Variants in WAPL observed in about 807,000 individuals in gnomAD.
WAPL encodes the protein WAPL cohesin release factor.
In WAPL, 5 loss-of-function variants were observed where a neutral mutation model predicts 121.0. The ratio of observed to expected loss-of-function variants is 0.04; its 90% CI spans 0.02 to 0.09. The LOEUF is 0.09. WAPL is among the 10% of genes least tolerant of loss of function. WAPL has a pLI of 1.00. For missense variants in WAPL, 999 were observed against 1,410.8 expected (o/e 0.71, Z 4.68); for synonymous variants, 480 against 481.5 (o/e 1.00, Z 0.04).
At chr10:86,490,767 A>G (rs1842029764) in intron 4 of WAPL, among the ~76,000 whole-genome samples, 1 of 152,150 alleles carries the variant, frequency 6.6e-6, no homozygotes, top group Non-Finnish European at 1.5e-5. Flanking sequence ...CAATTCTGTG[A>G]TGTTAAATTT....
At chr10:86,470,244 G>A (rs1841506806) in intron 8 of WAPL, among the ~76,000 whole-genome samples, 1 of 151,990 alleles carries the variant, frequency 6.6e-6, no homozygotes, top group Non-Finnish European at 1.5e-5. Flanking sequence ...ATGTTGGCCA[G>A]GCTGATCTCA....
intron 16 of WAPL, among the ~76,000 whole-genome samples, chr10:86,445,099 G>T (rs890016722): frequency 6.6e-6 from 1 of 152,068 alleles, no homozygotes; most frequent in South Asian, 2.1e-4. Context: ...CATCCAAGGG[G>T]TATTGGTTCC....
In WAPL at chr10:86,455,683, T is replaced by TAA. The variant is rs539594893; in HGVS notation, c.2658-1854_2658-1853dup. Among the ~76,000 whole-genome samples, 15 of 29,108 alleles carry TAA rather than the reference T, an allele frequency of 5.2e-4. 1 individual carries two copies. The highest frequency in any genetic ancestry group is 3.6e-3 in the South Asian group (4 of 1,106). 19.1% of individuals were successfully genotyped at this position (29,108 alleles called of 152,430 possible). On this transcript the variant is annotated intron_variant, in intron 12 of 18. Transcript: ENST00000298767. Reference sequence around the variant, plus strand: ...ACACCCAAGAATGATCAATAAATACTAAAAAAAAAAAAAGAAAGAAAGAAA... The same window carrying TAA: ...ACACCCAAGAATGATCAATAAATACTAAAAAAAAAAAAAAAGAAAGAAAGAAA...
At chr10:86,510,857 G>A (rs1291749879) in intron 2 of WAPL, among the ~76,000 whole-genome samples, 1 of 151,964 alleles carries the variant, frequency 6.6e-6, no homozygotes, top group South Asian at 2.1e-4. Flanking sequence ...TTGTTTTTGA[G>A]ATGGTATCTT....
chr10:86,454,602 G>A lies in WAPL; in HGVS notation c.2658-771C>T, dbSNP rs560057078. Among the ~76,000 whole-genome samples the A allele has an allele frequency of 3.6e-4, 55 of 152,332 alleles. No homozygotes were observed. The East Asian group carries it at 9.3e-3, about 26-fold the overall frequency. On this transcript the variant is annotated intron_variant, in intron 12 of 18. Coordinates refer to ENST00000298767, the MANE Select transcript of WAPL (RefSeq NM_015045.5). ...TCGCTACAACCTCCACCTCCCAGCCGCCTGCCTTGGCCTCCCAAAGTGCGG... is the reference window on the plus strand; with the variant it reads ...TCGCTACAACCTCCACCTCCCAGCCACCTGCCTTGGCCTCCCAAAGTGCGG...
At chr10:86,491,182 C>T (rs1161637336) in intron 4 of WAPL, among the ~76,000 whole-genome samples, 2 of 135,190 alleles carry the variant, frequency 1.5e-5, no homozygotes, top group Non-Finnish European at 3.1e-5. Flanking sequence ...CTCTGTTGCC[C>T]AGGCTGGAGT....
At chr10:86,479,594 C>T (rs11595882) in intron 4 of WAPL, among the ~76,000 whole-genome samples, 4,304 of 152,258 alleles carry the variant, frequency 0.028, 125 homozygotes, top group South Asian at 0.12. Flanking sequence ...ACTTTATGAA[C>T]AAGAAGAGCA....
chr10:86,504,038 G>A (rs1260992510), intron 2 of WAPL, among the ~76,000 whole-genome samples: 1 of 151,650 alleles, frequency 6.6e-6, no homozygotes, highest in Non-Finnish European at 1.5e-5. Flanking sequence ...GCCAGGCGTG[G>A]TGGCACATGC....
Position 86,452,070 on chromosome 10 carries a change from T to C in WAPL, c.3011A>G (p.Asn1004Ser). 6.2e-7 allele frequency: 1 copy of C among 1,614,190 alleles called. No homozygotes were observed. The highest frequency in any genetic ancestry group is 8.5e-7 in the Non-Finnish European group (1 of 1,180,026). The change falls in exon 15 of 19, where the codon AAC becomes AGC. Residue 1004 changes from asparagine to serine, a missense_variant. Physicochemically the swap from Asn to Ser is conservative, Grantham distance 46 (BLOSUM62 1). This residue lies in a region of WAPL where 126 missense variants were observed against 144.0 expected (regional missense o/e 0.87). Transcript: ENST00000298767. Reference sequence around the variant, plus strand: ...ATCAAAAGAGCACGATGTTTCCATGTTGACAAGACAGTGCCGATTCCGAGC... The same window carrying C: ...ATCAAAAGAGCACGATGTTTCCATGCTGACAAGACAGTGCCGATTCCGAGC... ...YSARNRHCLV[N>S]METSCSFDSS... is the part of the protein sequence containing the mutation.
intron 4 of WAPL, among the ~76,000 whole-genome samples, chr10:86,478,508 A>T (rs1256601842): frequency 6.6e-6 from 1 of 152,228 alleles, no homozygotes; most frequent in African/African-American, 2.4e-5. Context: ...CAAAAAGTTC[A>T]TAATAATAAT....
At chr10:86,485,020 C>T (rs141776186) in intron 4 of WAPL, among the ~76,000 whole-genome samples, 17 of 152,098 alleles carry the variant, frequency 1.1e-4, no homozygotes, top group Middle Eastern at 3.4e-3. Flanking sequence ...CACGCATGTG[C>T]GTGTGCTCAC....
chr10:86,479,757 A>G (rs780930702), intron 4 of WAPL, among the ~76,000 whole-genome samples: 5 of 152,232 alleles, frequency 3.3e-5, no homozygotes, highest in African/African-American at 4.8e-5. Context: ...GAAGTACTGC[A>G]ATGCATAACT....
chr10:86,517,421 TTCTTAAATG>T (rs1231837342), intron 2 of WAPL, 141 bp downstream of exon 2: 6 of 1,204,420 alleles, frequency 5.0e-6, no homozygotes, highest in Non-Finnish European at 6.6e-6. Flanking sequence ...TTCTTTAAAG[TTCTTAAATG>T]TCTTTTACAA....
At chr10:86,437,833 C>A (rs960451638) in intron 18 of WAPL, 87 bp downstream of exon 18, 2 of 1,097,282 alleles carry the variant, frequency 1.8e-6, no homozygotes, top group Admixed American at 2.3e-5. Flanking sequence ...CTTTTTGCTC[C>A]CACTTACTAT....
At chr10:86,458,726 CTAT>C (rs10541728) in intron 12 of WAPL, among the ~76,000 whole-genome samples, 60,151 of 151,724 alleles carry the variant, frequency 0.4, 12,239 homozygotes, top group South Asian at 0.6. Flanking sequence ...GGGTTAGCCA[CTAT>C]TATTATCCCC....
chr10:86,507,297 G>A (rs908353794), intron 2 of WAPL, among the ~76,000 whole-genome samples: 1 of 141,078 alleles, frequency 7.1e-6, no homozygotes, highest in Non-Finnish European at 1.5e-5. Flanking sequence ...GAACCCGGGA[G>A]GCAGAGGTTG....
At chr10:86,447,123 T>C (rs750482466) in intron 15 of WAPL, among the ~76,000 whole-genome samples, 1 of 152,226 alleles carries the variant, frequency 6.6e-6, no homozygotes, top group African/African-American at 2.4e-5. Flanking sequence ...TGCTGACTTG[T>C]TTCTTCTTTC....
intron 9 of WAPL, among the ~76,000 whole-genome samples, chr10:86,462,474 C>A (rs138346550): frequency 6.6e-6 from 1 of 152,056 alleles, no homozygotes; most frequent in African/African-American, 2.4e-5. Flanking sequence ...AATCCCAGCA[C>A]TTTGGGAGGC....
chr10:86,437,420 C>A lies in WAPL; in HGVS notation c.*123G>T. ...AAGAAATCAGGTGGCCTTAAAAATCCAAACACGAATGATACTGATGAATGT... is the reference window on the plus strand; with the variant it reads ...AAGAAATCAGGTGGCCTTAAAAATCAAAACACGAATGATACTGATGAATGT... On this transcript the variant is annotated 3_prime_UTR_variant, in exon 19 of 19. Transcript: ENST00000298767. The A allele has an allele frequency of 3.9e-6, 4 of 1,018,160 alleles. No homozygotes were observed. Among genetic ancestry groups the A allele is most frequent in the Admixed American group, 3.2e-5 (1 of 30,846 alleles). The allele number at this position is 1,018,160 out of a possible 1,614,324, so 63.1% of individuals were successfully genotyped here.
Sources: gnomAD v4.1 joint callset for allele counts (sites outside exome capture counted in the v4.1 genomes callset) on GRCh38, gnomAD v4.1.1 for gene constraint, gnomAD v4.1.1 regional missense constraint, MANE v1.5 for transcripts, NCBI Gene and HGNC (gene_info 2026-07-23, HGNC 2026-07-21) for gene names.